TENM3: variants seen among roughly 807,000 people sequenced by gnomAD.
The protein encoded by TENM3 is teneurin-3.
A neutral mutation model predicts 255.1 loss-of-function variants in TENM3; 63 were observed. The ratio of observed to expected loss-of-function variants is 0.25; its 90% confidence interval spans 0.20 to 0.30. The LOEUF is 0.30. TENM3 is among the 10% of genes least tolerant of loss of function. The pLI is 1.00. For missense variants in TENM3, 2,929 were observed against 3,461.1 expected, an observed-to-expected ratio of 0.85 and a Z score of 3.86; for synonymous variants, 1,306 against 1,322.3, an observed-to-expected ratio of 0.99 and a Z score of 0.27.
At chr4:182,372,363 G>T (rs6552561) in intron 3 of TENM3, among the ~76,000 whole-genome samples, 1 of 151,856 alleles carries the variant, frequency 6.6e-6, no homozygotes, top group Non-Finnish European at 1.5e-5. Context: ...CATGTTTTCC[G>T]TATTAAGTAT....
chr4:181,516,533 C>A, the TENM3 span, among the ~76,000 whole-genome samples: 10 of 152,082 alleles, frequency 6.6e-5, no homozygotes, highest in Admixed American at 3.3e-4. Flanking sequence ...GTAATCCCAG[C>A]ACTTTGGGAG....
chr4:181,648,338 A>C, the TENM3 span, among the ~76,000 whole-genome samples: 7 of 152,180 alleles, frequency 4.6e-5, no homozygotes, highest in Non-Finnish European at 7.3e-5. Flanking sequence ...TTTCCTAAAA[A>C]GGGTTTCCCC....
chr4:181,884,688 A>C, the TENM3 span, among the ~76,000 whole-genome samples: 1 of 152,218 alleles, frequency 6.6e-6, no homozygotes, highest in African/African-American at 2.4e-5. Context: ...TTTTAAAAAA[A>C]TAATCTAATC....
the TENM3 span, among the ~76,000 whole-genome samples, chr4:181,466,188 A>G: frequency 6.7e-6 from 1 of 148,474 alleles, no homozygotes; most frequent in African/African-American, 2.5e-5. Flanking sequence ...TGCGATCTCA[A>G]CCCACTGCAA....
the TENM3 span, among the ~76,000 whole-genome samples, chr4:181,927,351 C>T: frequency 4.6e-5 from 7 of 152,188 alleles, no homozygotes; most frequent in Non-Finnish European, 8.8e-5. Context: ...CGGCGTTTGC[C>T]ATTACTGGGG....
chr4:182,684,747 A>G (rs1406973840), intron 11 of TENM3, among the ~76,000 whole-genome samples: 1 of 152,206 alleles, frequency 6.6e-6, no homozygotes, highest in South Asian at 2.1e-4. Context: ...TCATCAATTC[A>G]GAGGAGCTTC....
At chr4:182,477,571 C>A (rs1055343879) in intron 3 of TENM3, among the ~76,000 whole-genome samples, 3 of 152,178 alleles carry the variant, frequency 2.0e-5, no homozygotes, top group Admixed American at 6.5e-5. Flanking sequence ...CAGTGACTTT[C>A]CTGTCAGGTT....
Position 182,793,841 on chromosome 4 carries a change from A to G in TENM3, c.7169A>G (p.Asn2390Ser). Residue 2390 changes from asparagine to serine, a missense_variant, in exon 26 of 28, where the codon AAC becomes AGC. Physicochemically the swap from Asn to Ser is conservative, Grantham distance 46 (BLOSUM62 1). Coordinates refer to ENST00000511685, the MANE Select transcript of TENM3 (RefSeq NM_001080477.4). This position sits in a 1 kb window ranked among gnomAD's most constrained non-coding sequence, Gnocchi z 5.7. The part of the protein sequence containing the change: ...APFNLYMFRN[N>S]NPASKIHDVK... Reference sequence around the variant, plus strand: ...TTTAACTTGTACATGTTTAGGAATAACAACCCTGCAAGCAAAATCCATGAC... The same window carrying G: ...TTTAACTTGTACATGTTTAGGAATAGCAACCCTGCAAGCAAAATCCATGAC... 6.2e-7 allele frequency: 1 copy of G among 1,612,634 alleles called. No individual in the cohort carries two copies. Among genetic ancestry groups the G allele is most frequent in the Non-Finnish European group, 8.5e-7 (1 of 1,179,170 alleles).
At position 182,730,914 on chromosome 4, in the gene TENM3, T is replaced by G. The variant is rs1243859581; in HGVS notation, c.2742T>G (p.Thr914=). The G allele has an allele frequency of 1.2e-6, 2 of 1,613,864 alleles. No individual in the cohort carries two copies. Among genetic ancestry groups the G allele is most frequent in the African/African-American group, 1.3e-5 (1 of 74,936 alleles). Residue 914 remains threonine (T), a synonymous_variant, in exon 16 of 28, where the codon ACT becomes ACG. Coordinates refer to ENST00000511685, the MANE Select transcript of TENM3 (RefSeq NM_001080477.4). Reference sequence around the variant, plus strand: ...TGGCAAATGGTGGGGCCTCTCTAACTTTGGTATTTGAACGATCCCCATTCC... The same window carrying G: ...TGGCAAATGGTGGGGCCTCTCTAACGTTGGTATTTGAACGATCCCCATTCC... The part of the protein sequence containing the change: ...DLVANGGASL[T]LVFERSPFLT...
chr4:181,930,806 G>C, the TENM3 span, among the ~76,000 whole-genome samples: 1 of 152,114 alleles, frequency 6.6e-6, no homozygotes, highest in Non-Finnish European at 1.5e-5. Context: ...ACATCCAAAA[G>C]CTTATCCACC....
At chr4:181,657,435 C>T in the TENM3 span, among the ~76,000 whole-genome samples, 1 of 152,094 alleles carries the variant, frequency 6.6e-6, no homozygotes, top group Admixed American at 6.6e-5. Context: ...CATCACTAAC[C>T]ATCAGAGAAA....
intron 1 of TENM3, among the ~76,000 whole-genome samples, chr4:182,296,489 T>C (rs1181091154): frequency 6.6e-6 from 1 of 152,156 alleles, no homozygotes; most frequent in Non-Finnish European, 1.5e-5. Flanking sequence ...AGGTTTATAA[T>C]CAGGGCAAGC....
chr4:181,487,213 C>T, the TENM3 span, among the ~76,000 whole-genome samples: 1 of 152,118 alleles, frequency 6.6e-6, no homozygotes, highest in African/African-American at 2.4e-5. Flanking sequence ...ACGGATCCAA[C>T]ACGCTTGTTT....
chr4:182,746,763 G>A (rs1462872032), intron 19 of TENM3, among the ~76,000 whole-genome samples: 3 of 152,152 alleles, frequency 2.0e-5, no homozygotes, highest in Middle Eastern at 3.2e-3. Flanking sequence ...AAAGCCAAAC[G>A]ATAAAATAAA....
In TENM3 at chr4:182,658,964, G is replaced by C. The variant is rs2152525496; in HGVS notation, c.1111+5071G>C. Among the ~76,000 whole-genome samples, 4 of 152,326 alleles carry C rather than the reference G, an allele frequency of 2.6e-5. No individual in the cohort carries two copies. The Middle Eastern group carries it at 0.014, about 518-fold the overall frequency. On this transcript the variant is annotated intron_variant, in intron 6 of 27. Transcript: ENST00000511685. ...CCAAGAGGGAGCATGCCAAGAGCCT[G>C]ACAGAAACTACCAGCTTTGTATAAC... is the stretch of plus-strand genomic sequence containing the variant.
At chr4:181,477,593 A>G in the TENM3 span, among the ~76,000 whole-genome samples, 1 of 152,194 alleles carries the variant, frequency 6.6e-6, no homozygotes, top group Non-Finnish European at 1.5e-5. Flanking sequence ...GTCACCCAAT[A>G]TATGACCTGA....
At chr4:182,684,452 A>AAAAAAAAAG (rs1157413042) in intron 11 of TENM3, among the ~76,000 whole-genome samples, 1 of 151,592 alleles carries the variant, frequency 6.6e-6, no homozygotes, top group Non-Finnish European at 1.5e-5. Context: ...AAAAAAAAAA[A>AAAAAAAAAG]AAATTTGGAC....
chr4:181,471,328 C>T, the TENM3 span, among the ~76,000 whole-genome samples: 616 of 152,272 alleles, frequency 4.0e-3, 5 homozygotes, highest in Admixed American at 6.8e-3. Flanking sequence ...TCCACATCCA[C>T]TTTGTTGGAG....
At chr4:182,301,981 T>C (rs1389520510) in intron 1 of TENM3, among the ~76,000 whole-genome samples, 1 of 152,092 alleles carries the variant, frequency 6.6e-6, no homozygotes, top group Non-Finnish European at 1.5e-5. Context: ...ATGGGAAAAA[T>C]ACTCTGGCCT....
Sources: gnomAD v4.1 joint callset for allele counts (sites outside exome capture counted in the v4.1 genomes callset) on GRCh38, gnomAD v4.1.1 for gene constraint, Gnocchi (gnomAD v3.1) non-coding constraint, MANE v1.5 for transcripts, NCBI Gene and HGNC (gene_info 2026-07-23, HGNC 2026-07-21) for gene names.